ANKS1A: variants seen among roughly 807,000 people sequenced by gnomAD.
The protein encoded by ANKS1A is ankyrin repeat and sterile alpha motif domain containing 1A, also known as ankyrin repeat and SAM domain-containing protein 1A.
A neutral mutation model predicts 120.3 loss-of-function variants in ANKS1A; 55 were observed. The observed-to-expected ratio is 0.46, with a 90% CI of 0.37 to 0.57. ANKS1A has a LOEUF of 0.57. ANKS1A is among the 20% of genes least tolerant of loss of function. ANKS1A has a pLI of 0.00. For synonymous variants in ANKS1A, 590 were observed against 604.7 expected, an observed-to-expected ratio of 0.98 and a Z score of 0.36; for missense variants, 1,123 against 1,480.3, an observed-to-expected ratio of 0.76 and a Z score of 3.96.
At chr6:35,061,307 G>A (rs1003804687) in intron 13 of ANKS1A, among the ~76,000 whole-genome samples, 2 of 152,180 alleles carry the variant, frequency 1.3e-5, no homozygotes, top group South Asian at 2.1e-4. Context: ...GGATGGGGGC[G>A]TGGCCACCTA....
At chr6:35,067,023 G>C (rs17609940) in intron 13 of ANKS1A, among the ~76,000 whole-genome samples, 20,564 of 152,216 alleles carry the variant, frequency 0.14, 1,876 homozygotes, top group Non-Finnish European at 0.2. Flanking sequence ...AGAACCTTGA[G>C]CAGCTGAACC....
chr6:35,076,828 C>T (rs1260947316), intron 13 of ANKS1A, among the ~76,000 whole-genome samples: 1 of 151,996 alleles, frequency 6.6e-6, no homozygotes, highest in Non-Finnish European at 1.5e-5. Flanking sequence ...ACAGGTTTCA[C>T]AATGCTGGCC....
rs760096883 is a variant in ANKS1A, at chr6:35,035,916, G to A, written c.2010+17857G>A. 9.2e-5 allele frequency among the ~76,000 whole-genome samples: 14 copies of A among 152,220 alleles called. No individual in the cohort carries two copies. In the South Asian group the frequency reaches 1.2e-3, roughly 14 times the overall value. ...ACAGGTGGCTGCCCCACCTCTCTCC[G>A]CTTGCCTCCTGCTTTACATTCAGAG... On this transcript the variant is annotated intron_variant, in intron 11 of 23. Transcript: ENST00000360359.
chr6:35,010,132 C>G (rs781065671), intron 10 of ANKS1A, among the ~76,000 whole-genome samples: 4 of 151,772 alleles, frequency 2.6e-5, no homozygotes, highest in African/African-American at 9.7e-5. Flanking sequence ...GCCTGCTGAA[C>G]TCCAGCCTGG....
chr6:34,960,962 G>A (rs1271560769), intron 1 of ANKS1A, among the ~76,000 whole-genome samples: 1 of 152,178 alleles, frequency 6.6e-6, no homozygotes, highest in Non-Finnish European at 1.5e-5. Flanking sequence ...TTGGCTAACC[G>A]CAGAGCCCAA....
chr6:35,021,998 A>G (rs1196906754), intron 11 of ANKS1A, among the ~76,000 whole-genome samples: 11 of 151,698 alleles, frequency 7.3e-5, no homozygotes, highest in African/African-American at 2.7e-4. Flanking sequence ...AAAAAAAAAA[A>G]ACAAAACAGA....
chr6:34,976,147 A>AAAAAAAAAAAAAG (rs559867720), intron 3 of ANKS1A, among the ~76,000 whole-genome samples: 6 of 145,834 alleles, frequency 4.1e-5, no homozygotes, highest in Non-Finnish European at 6.0e-5. Context: ...AAAAAAAAAA[A>AAAAAAAAAAAAAG]AAAAGAAAAG....
intron 13 of ANKS1A, among the ~76,000 whole-genome samples, chr6:35,070,318 C>A (rs988435268): frequency 3.3e-5 from 5 of 152,030 alleles, no homozygotes; most frequent in Non-Finnish European, 7.4e-5. Flanking sequence ...TCCCATCTCA[C>A]CCCTTCCCTT....
chr6:35,001,073 G>C (rs892937715), intron 10 of ANKS1A, among the ~76,000 whole-genome samples: 2 of 152,106 alleles, frequency 1.3e-5, no homozygotes, highest in Non-Finnish European at 2.9e-5. Context: ...ATGAAAAATT[G>C]GATAAATATG....
intron 1 of ANKS1A, among the ~76,000 whole-genome samples, chr6:34,965,479 G>A (rs1049766331): frequency 6.6e-6 from 1 of 152,048 alleles, no homozygotes; most frequent in Non-Finnish European, 1.5e-5. Context: ...AGCCTCCTGA[G>A]TAGCTAGGAC....
At chr6:35,080,918 AG>A in intron 16 of ANKS1A, 75 bp from the exon 17 acceptor site, 3 of 1,544,954 alleles carry the variant, frequency 1.9e-6, no homozygotes, top group Non-Finnish European at 2.6e-6. Context: ...CGTCCTAACC[AG>A]TGGGGCTGGC....
chr6:34,934,136 T>TTTTA (rs745667922), intron 1 of ANKS1A, among the ~76,000 whole-genome samples: 114 of 151,982 alleles, frequency 7.5e-4, no homozygotes, highest in African/African-American at 2.1e-3. Context: ...GGCACTTTAT[T>TTTTA]TTTATTTATT....
rs949211828 is a variant in ANKS1A at position 35,060,732 on chromosome 6, C to T, written c.2184+479C>T. Among the ~76,000 whole-genome samples, 8 of 152,174 alleles carry T rather than the reference C, an allele frequency of 5.3e-5. No homozygotes were observed. Among genetic ancestry groups the T allele is most frequent in the African/African-American group, 1.9e-4 (8 of 41,444 alleles). ...TATACCCGTGGCCTCAGAGATGGCC[C>T]AGAGGAAAGGCTGAGTTGATGGCCT... On this transcript the variant is annotated intron_variant, in intron 13 of 23. Coordinates refer to ENST00000360359, the MANE Select transcript of ANKS1A (RefSeq NM_015245.3). This position sits in a 1 kb window ranked among gnomAD's most constrained non-coding sequence, Gnocchi z 4.5.
chr6:35,013,325 C>G (rs1399546200), intron 10 of ANKS1A, among the ~76,000 whole-genome samples: 1 of 152,042 alleles, frequency 6.6e-6, no homozygotes, highest in African/African-American at 2.4e-5. Context: ...GACAAGGTCT[C>G]GCTGTGTCTC....
Position 34,970,106 on chromosome 6 carries a change from T to A in ANKS1A, c.375T>A (p.Asp125Glu). ...TGCATTTGGCAGCCTGGAAAGGAGATGCCCAGATAGTGCGGTTGCTCATCC... is the reference window on the plus strand; with the variant it reads ...TGCATTTGGCAGCCTGGAAAGGAGAAGCCCAGATAGTGCGGTTGCTCATCC... ...YPLHLAAWKG[D>E]AQIVRLLIHQ... is the part of the protein sequence containing the mutation. The change falls in exon 3 of 24, where the codon GAT becomes GAA. Residue 125 changes from aspartate (D) to glutamate (E), a missense_variant. Asp to Glu is a conservative substitution (Grantham distance 45). Coordinates refer to ENST00000360359, the MANE Select transcript of ANKS1A (RefSeq NM_015245.3). 1 of 1,614,124 alleles carries A rather than the reference T, an allele frequency of 6.2e-7. No homozygotes were observed. Among genetic ancestry groups the A allele is most frequent in the Non-Finnish European group, 8.5e-7 (1 of 1,180,004 alleles).
chr6:34,987,651 G>A (rs181566467), intron 8 of ANKS1A, among the ~76,000 whole-genome samples: 2 of 152,338 alleles, frequency 1.3e-5, no homozygotes, highest in East Asian at 3.9e-4. Context: ...TGGTTCCAGG[G>A]TCTATGGGAA....
At chr6:35,011,902 A>G (rs1304917294) in intron 10 of ANKS1A, among the ~76,000 whole-genome samples, 2 of 152,164 alleles carry the variant, frequency 1.3e-5, no homozygotes, top group Middle Eastern at 3.2e-3. Flanking sequence ...ATGTCATTGT[A>G]TATCTTGTGA....
chr6:34,959,668 G>C (rs899842636), intron 1 of ANKS1A, among the ~76,000 whole-genome samples: 1 of 152,206 alleles, frequency 6.6e-6, no homozygotes, highest in Non-Finnish European at 1.5e-5. Context: ...GCCACTTTCT[G>C]TGCTTGACAG....
Position 34,981,728 on chromosome 6 carries a change from G to A in ANKS1A, c.474G>A (p.Gln158=). The A allele has an allele frequency of 6.2e-7, 1 of 1,614,208 alleles. No homozygotes were observed. Among genetic ancestry groups the A allele is most frequent in the Non-Finnish European group, 8.5e-7 (1 of 1,180,040 alleles). ...AGACAGCCCTGCATTGTGCAGCGCA[G>A]TATGGCCACACAGAGGTGGTGAAGG... is the stretch of plus-strand genomic sequence containing the variant. ...DNETALHCAA[Q]YGHTEVVKVL... is the part of the protein sequence containing the mutation. Residue 158 remains glutamine, a synonymous_variant, in exon 4 of 24, where the codon CAG becomes CAA. Coordinates refer to ENST00000360359, the MANE Select transcript of ANKS1A (RefSeq NM_015245.3).
Sources: allele counts gnomAD v4.1 joint callset (sites outside exome capture counted in the v4.1 genomes callset), GRCh38; gene constraint gnomAD v4.1.1; non-coding constraint Gnocchi (gnomAD v3.1); transcripts MANE v1.5; gene names NCBI Gene and HGNC (gene_info 2026-07-23, HGNC 2026-07-21).